CITED1: variants seen among roughly 807,000 people sequenced by gnomAD.
CITED1 encodes Cbp/p300 interacting transactivator with ED-rich tail 1.
In CITED1, 3 loss-of-function variants were observed where a neutral mutation model predicts 8.5. The ratio of observed to expected loss-of-function variants is 0.35; its 90% CI spans 0.16 to 0.91. The LOEUF is 0.91. Among genes scored for constraint, CITED1 ranks in the 40% least tolerant of loss-of-function variants. The pLI is 0.46. For synonymous variants in CITED1, 54 were observed against 67.4 expected, an observed-to-expected ratio of 0.80 and a Z score of 0.97; for missense variants, 113 against 154.8, an observed-to-expected ratio of 0.73 and a Z score of 1.43.
At position 72,302,079 on chromosome X, in the gene CITED1, G is replaced by A. The variant is rs1360027840; in HGVS notation, c.226C>T (p.Pro76Ser). Residue 76 changes from proline to serine, a missense_variant, in exon 3 of 3, where the codon CCT (proline) becomes TCT (serine). Coordinates refer to ENST00000651998, the MANE Select transcript of CITED1 (RefSeq NM_001144887.2). ...TTGAAGGATGGGGGTTTAGTGGGAG[G>A]GGTGGTTGTAGGAGAGCCTATTGGA... ...GSPIGSPTTTPPTKPPSFNLH... is the reference protein window; with the variant it reads ...GSPIGSPTTTSPTKPPSFNLH... 1 of 1,190,925 alleles carries A rather than the reference G, an allele frequency of 8.4e-7. No individual in the cohort carries two copies. The highest frequency in any genetic ancestry group is 1.1e-6 in the Non-Finnish European group (1 of 884,536).
At chrX:72,305,049 C>T (rs1266847482) in intron 1 of CITED1, among the ~76,000 whole-genome samples, 1 of 113,208 alleles carries the variant, frequency 8.8e-6, no homozygotes, top group Non-Finnish European at 1.9e-5. Context: ...GAGCTGACCA[C>T]TGCGAAACGG....
chrX:72,304,428 C>G (rs147710762), intron 1 of CITED1, among the ~76,000 whole-genome samples: 2 of 111,484 alleles, frequency 1.8e-5, no homozygotes, highest in Admixed American at 1.9e-4. Context: ...CTGAGGCAAC[C>G]GTAGAAAAAT....
At position 72,302,240 on chromosome X, in the gene CITED1, G is replaced by A. The variant is rs767928784; in HGVS notation, c.65C>T (p.Ala22Val). 1 of 1,204,073 alleles carries A rather than the reference G, an allele frequency of 8.3e-7. No homozygotes were observed. Among genetic ancestry groups the A allele is most frequent in the Non-Finnish European group, 1.1e-6 (1 of 890,999 alleles). The change falls in exon 3 of 3, where the codon GCC becomes GTC. Residue 22 changes from alanine (A) to valine (V), a missense_variant. Ala to Val is a moderately conservative substitution (Grantham distance 64, BLOSUM62 0). Coordinates refer to ENST00000651998, the MANE Select transcript of CITED1 (RefSeq NM_001144887.2). ...GGCCACGGAGCTCATCTCTTGGTTG[G>A]CATCCTAGAAGACAGAGAAAAGCAC... ...KGGTSPAKEDANQEMSSVAYS... is the reference protein window; with the variant it reads ...KGGTSPAKEDVNQEMSSVAYS...
At chrX:72,302,300 C>T (rs1285606544) in intron 2 of CITED1, 56 bp from the exon 3 acceptor site, 1 of 1,139,639 alleles carries the variant, frequency 8.8e-7, no homozygotes, top group African/African-American at 1.8e-5. Flanking sequence ...TGTCCTTCAC[C>T]ATTCAGCAGA....
At chrX:72,304,017 C>A (rs1405254508) in intron 1 of CITED1, 1 of 254,087 alleles carries the variant, frequency 3.9e-6, no homozygotes, top group Non-Finnish European at 5.4e-6. Context: ...GAGTTTGATA[C>A]CAGGCTGGGC....
At chrX:72,306,683 C>A (rs1971399739), upstream of CITED1, 1 of 109,851 alleles carries the variant, frequency 9.1e-6, no homozygotes, top group Non-Finnish European at 1.9e-5. Flanking sequence ...GCCGCTGCAC[C>A]GCACAGTGCC....
At position 72,302,726 on chromosome X, in the gene CITED1, T is replaced by C. The variant is rs903854594; in HGVS notation, c.60+84A>G. On this transcript the variant is annotated intron_variant, in intron 2 of 2. Transcript: ENST00000651998. ...TTGTCTCCTCTCTGCTCAAGGACAC[T>C]GGGTAATGCACCTAGGAGGGCCTGG... The C allele has an allele frequency of 3.4e-5, 28 of 826,074 alleles. No individual in the cohort carries two copies. In the Middle Eastern group the frequency reaches 1.2e-3, roughly 36 times the overall value. 68.1% of individuals were successfully genotyped at this position (826,074 alleles called of 1,213,427 possible).
At chrX:72,306,901 A>ACCCTTTTTTT (rs1459141556), upstream of CITED1, 1 of 108,213 alleles carries the variant, frequency 9.2e-6, no homozygotes, top group African/African-American at 3.4e-5. Flanking sequence ...GGAAGGACAG[A>ACCCTTTTTTT]CCCTTTTTTT....
intron 1 of CITED1, among the ~76,000 whole-genome samples, chrX:72,304,910 A>C (rs775069420): frequency 8.9e-6 from 1 of 112,468 alleles, no homozygotes; most frequent in Non-Finnish European, 1.9e-5. Flanking sequence ...CGTCTGAAGA[A>C]GCAATCGCAT....
intron 1 of CITED1, chrX:72,305,443 G>T: frequency 1.8e-6 from 1 of 565,738 alleles, no homozygotes; most frequent in East Asian, 3.9e-5. Flanking sequence ...GTTGTTTGCG[G>T]ACAGCTCGGC....
chrX:72,305,348 T>C, intron 1 of CITED1: 1 of 1,151,412 alleles, frequency 8.7e-7, no homozygotes, highest in Non-Finnish European at 1.2e-6. Flanking sequence ...GAAGGAGAAA[T>C]TTAAAAATCC....
chrX:72,302,147 T>C lies in CITED1; in HGVS notation c.158A>G (p.Asn53Ser), dbSNP rs778511318. Residue 53 changes from asparagine to serine, a missense_variant, in exon 3 of 3, where the codon AAT becomes AGT. By Grantham distance (46) the Asn-to-Ser change is conservative (BLOSUM62 1). Coordinates refer to ENST00000651998, the MANE Select transcript of CITED1 (RefSeq NM_001144887.2). ...GGGAGCCCCACTGGCCTTGGTTCCA[T>C]TTGAGGCTACCCCAGGGTAGTGCAG... is the stretch of plus-strand genomic sequence containing the variant. ...AILHYPGVAS[N>S]GTKASGAPTS... 7 of 1,196,204 alleles carry C rather than the reference T, an allele frequency of 5.9e-6. No homozygotes were observed. Among genetic ancestry groups the C allele is most frequent in the Non-Finnish European group, 4.5e-6 (4 of 887,194 alleles).
At position 72,302,058 on chromosome X, in the gene CITED1, A is replaced by G. The variant is rs2043293074; in HGVS notation, c.247T>C (p.Phe83Leu). ...AAGTGAGGGGCGGGGTGCAGGTTGA[A>G]GGATGGGGGTTTAGTGGGAGGGGTG... ...TTTPPTKPPS[F>L]NLHPAPHLLA... The change falls in exon 3 of 3, where the codon TTC becomes CTC. Residue 83 changes from phenylalanine to leucine, a missense_variant. Phe to Leu is a conservative substitution (Grantham distance 22). Coordinates refer to ENST00000651998, the MANE Select transcript of CITED1 (RefSeq NM_001144887.2). 2 of 1,193,696 alleles carry G rather than the reference A, an allele frequency of 1.7e-6. No individual in the cohort carries two copies. The highest frequency in any genetic ancestry group is 4.6e-5 in the Admixed American group (2 of 43,119).
chrX:72,304,428 C>T (rs147710762), intron 1 of CITED1, among the ~76,000 whole-genome samples: 4,603 of 111,528 alleles, frequency 0.041, 95 homozygotes, highest in Middle Eastern at 0.13. Context: ...CTGAGGCAAC[C>T]GTAGAAAAAT....
chrX:72,303,385 C>G (rs1371011923), intron 1 of CITED1, among the ~76,000 whole-genome samples: 1 of 112,528 alleles, frequency 8.9e-6, no homozygotes, highest in Non-Finnish European at 1.9e-5. Context: ...CAAGGAAGAC[C>G]TAGAAAGCTA....
At chrX:72,305,544 G>A (rs780793970) in intron 1 of CITED1, 5 of 384,017 alleles carry the variant, frequency 1.3e-5, no homozygotes, top group South Asian at 1.1e-4. Context: ...CCAGGCCACC[G>A]GGGCCCTGAG....
At chrX:72,306,371 C>T (rs1329663800), upstream of CITED1, 2 of 111,263 alleles carry the variant, frequency 1.8e-5, no homozygotes, top group African/African-American at 6.5e-5. Flanking sequence ...CAAGTCTCCC[C>T]AGAACCCTCC....
At chrX:72,304,586 C>T (rs2043317939) in intron 1 of CITED1, among the ~76,000 whole-genome samples, 1 of 111,663 alleles carries the variant, frequency 9.0e-6, no homozygotes, top group Non-Finnish European at 1.9e-5. Flanking sequence ...CCAGCCTTCC[C>T]TCTCCTTTTT....
chrX:72,305,212 TG>T, intron 1 of CITED1: 1 of 836,045 alleles, frequency 1.2e-6, no homozygotes, highest in Non-Finnish European at 1.7e-6. Flanking sequence ...TAGACAGGGG[TG>T]GGAAGGGGAG....
Sources: gnomAD v4.1 joint callset for allele counts (sites outside exome capture counted in the v4.1 genomes callset) on GRCh38, gnomAD v4.1.1 for gene constraint, MANE v1.5 for transcripts, NCBI Gene and HGNC (gene_info 2026-07-23, HGNC 2026-07-21) for gene names.